Variants in FBXL7 observed in about 807,000 individuals in gnomAD.
The protein encoded by FBXL7 is F-box and leucine rich repeat protein 7, also known as F-box/LRR-repeat protein 7.
FBXL7 carries 12 observed loss-of-function variants against 38.3 expected under a neutral mutation model. The ratio of observed to expected loss-of-function variants is 0.31; its 90% CI spans 0.20 to 0.51. The LOEUF (loss-of-function observed/expected upper bound fraction) is 0.51, where lower values mean the gene tolerates loss of function less well. Among genes scored for constraint, FBXL7 ranks in the 20% least tolerant of loss-of-function variants. FBXL7 has a pLI of 0.98. For missense variants in FBXL7, 567 were observed against 676.4 expected, an observed-to-expected ratio of 0.84 and a Z score of 1.79; for synonymous variants, 297 against 300.9, an observed-to-expected ratio of 0.99 and a Z score of 0.13.
intron 2 of FBXL7, among the ~76,000 whole-genome samples, chr5:15,647,248 G>C (rs762935824): frequency 6.6e-6 from 1 of 152,126 alleles, no homozygotes; most frequent in African/African-American, 2.4e-5. Context: ...GGTTTAAATC[G>C]GATAAGCCTA....
At chr5:15,805,056 A>C (rs570063016) in intron 2 of FBXL7, among the ~76,000 whole-genome samples, 1 of 152,178 alleles carries the variant, frequency 6.6e-6, no homozygotes, top group Admixed American at 6.5e-5. Context: ...TCTTCACCTC[A>C]CCTGCTCTCT....
chr5:15,712,450 A>T (rs1471952911), intron 2 of FBXL7, among the ~76,000 whole-genome samples: 2 of 152,052 alleles, frequency 1.3e-5, no homozygotes, highest in Non-Finnish European at 1.5e-5. Flanking sequence ...ATTATGGGCA[A>T]TTGCACAGAA....
chr5:15,852,414 T>C (rs149747584), intron 2 of FBXL7, among the ~76,000 whole-genome samples: 1 of 152,304 alleles, frequency 6.6e-6, no homozygotes, highest in African/African-American at 2.4e-5. Context: ...GCAAATTACT[T>C]TTCCATCATA....
chr5:15,503,473 T>C (rs1302168716), intron 1 of FBXL7, among the ~76,000 whole-genome samples: 1 of 152,158 alleles, frequency 6.6e-6, no homozygotes, highest in African/African-American at 2.4e-5. Flanking sequence ...TCTTGGCCAA[T>C]CCCAGCAGCC....
At chr5:15,651,880 T>A (rs2126571144) in intron 2 of FBXL7, among the ~76,000 whole-genome samples, 1 of 152,366 alleles carries the variant, frequency 6.6e-6, no homozygotes, top group East Asian at 1.9e-4. Flanking sequence ...CTACTTCATA[T>A]GCACTGAAAA....
At chr5:15,855,405 T>C (rs77025478) in intron 2 of FBXL7, among the ~76,000 whole-genome samples, 1,737 of 152,284 alleles carry the variant, frequency 0.011, 37 homozygotes, top group African/African-American at 0.04. Context: ...TACTGTTTTA[T>C]AGATGGATTG....
At chr5:15,925,111 G>A (rs1185661554) in intron 2 of FBXL7, among the ~76,000 whole-genome samples, 2 of 152,208 alleles carry the variant, frequency 1.3e-5, no homozygotes, top group Non-Finnish European at 2.9e-5. Flanking sequence ...AAAGGATATG[G>A]GGACACAGGG....
intron 1 of FBXL7, among the ~76,000 whole-genome samples, chr5:15,581,197 T>G (rs917187891): frequency 6.6e-6 from 1 of 152,212 alleles, no homozygotes; most frequent in African/African-American, 2.4e-5. Context: ...TCATTTTTAA[T>G]GATCAGATCA....
intron 2 of FBXL7, among the ~76,000 whole-genome samples, chr5:15,645,919 G>C (rs1303220035): frequency 6.6e-6 from 1 of 152,212 alleles, no homozygotes; most frequent in African/African-American, 2.4e-5. Flanking sequence ...TTGAGAGCTT[G>C]CTCTCTGTTC....
intron 2 of FBXL7, among the ~76,000 whole-genome samples, chr5:15,749,742 T>C (rs1736108777): frequency 6.6e-6 from 1 of 152,208 alleles, no homozygotes; most frequent in Non-Finnish European, 1.5e-5. Flanking sequence ...TTCCATGTAA[T>C]GCATTGGATT....
At chr5:15,767,429 G>A (rs1250784655) in intron 2 of FBXL7, among the ~76,000 whole-genome samples, 1 of 152,186 alleles carries the variant, frequency 6.6e-6, no homozygotes, top group Non-Finnish European at 1.5e-5. Flanking sequence ...AGGAGGCATA[G>A]TCTTTGCGGT....
At chr5:15,894,757 G>T (rs769875224) in intron 2 of FBXL7, among the ~76,000 whole-genome samples, 24 of 152,086 alleles carry the variant, frequency 1.6e-4, no homozygotes, top group Non-Finnish European at 2.8e-4. Flanking sequence ...CTCAAAAAAA[G>T]GTCAATTCAT....
intron 1 of FBXL7, among the ~76,000 whole-genome samples, chr5:15,582,488 ATC>A (rs1739174826): frequency 6.6e-6 from 1 of 152,214 alleles, no homozygotes; most frequent in African/African-American, 2.4e-5. Context: ...GAGTTATCCC[ATC>A]TGTGACCTCT....
chr5:15,727,715 T>G (rs1039524603), intron 2 of FBXL7, among the ~76,000 whole-genome samples: 2 of 152,166 alleles, frequency 1.3e-5, no homozygotes, highest in African/African-American at 4.8e-5. Flanking sequence ...TGAGGTTACA[T>G]TATTTGGAGT....
chr5:15,862,501 C>T (rs948435563), intron 2 of FBXL7, among the ~76,000 whole-genome samples: 1 of 152,148 alleles, frequency 6.6e-6, no homozygotes, highest in South Asian at 2.1e-4. Context: ...TGTACTGAAT[C>T]CTCACAAGAC....
chr5:15,543,316 TC>T (rs1355556591), intron 1 of FBXL7, among the ~76,000 whole-genome samples: 4 of 152,078 alleles, frequency 2.6e-5, no homozygotes, highest in Admixed American at 6.5e-5. Flanking sequence ...TATAAAACCA[TC>T]ATATCTGTGA....
chr5:15,586,267 T>TC (rs1561039441), intron 1 of FBXL7, among the ~76,000 whole-genome samples: 2 of 35,250 alleles, frequency 5.7e-5, no homozygotes, highest in Non-Finnish European at 1.1e-4. Flanking sequence ...TCCCCTCCCC[T>TC]CCCCCCTCCC....
At chr5:15,913,180 C>G (rs1422984224) in intron 2 of FBXL7, among the ~76,000 whole-genome samples, 1 of 150,194 alleles carries the variant, frequency 6.7e-6, no homozygotes, top group Non-Finnish European at 1.5e-5. Context: ...GTGCTTTACA[C>G]AAAACTTTAT....
intron 2 of FBXL7, among the ~76,000 whole-genome samples, chr5:15,654,702 T>G (rs951796848): frequency 2.0e-5 from 3 of 152,200 alleles, no homozygotes; most frequent in Non-Finnish European, 4.4e-5. Context: ...TTTGGCCTCC[T>G]GTAGCACTGA....
Sources: gnomAD v4.1 joint callset for allele counts (sites outside exome capture counted in the v4.1 genomes callset) on GRCh38, gnomAD v4.1.1 for gene constraint, MANE v1.5 for transcripts, NCBI Gene and HGNC (gene_info 2026-07-23, HGNC 2026-07-21) for gene names.